Variants in TIMM23B observed in about 807,000 individuals in gnomAD.
The protein encoded by TIMM23B is translocase of inner mitochondrial membrane 23 homolog B.
In TIMM23B, 27 loss-of-function variants were observed where a neutral mutation model predicts 27.3. The observed-to-expected ratio is 0.99, with a 90% CI of 0.73 to 1.36. The LOEUF is 1.36. TIMM23B is among the 40% of genes most tolerant of loss of function. The pLI is 0.00. For synonymous variants in TIMM23B, 73 were observed against 92.4 expected (o/e 0.79, Z 1.21); for missense variants, 205 against 244.2 (o/e 0.84, Z 1.07).
chr10:49,953,165 AAT>A (rs1332402943), intron 4 of TIMM23B, among the ~76,000 whole-genome samples: 3 of 152,100 alleles, frequency 2.0e-5, no homozygotes, highest in Non-Finnish European at 2.9e-5. Context: ...TTCCTTAAAC[AAT>A]ATGTTTAGTT....
At chr10:49,963,292 CGAAATGAAATGGAAT>C (rs1183861028) in intron 6 of TIMM23B, among the ~76,000 whole-genome samples, 1 of 151,334 alleles carries the variant, frequency 6.6e-6, no homozygotes, top group African/African-American at 2.4e-5. Flanking sequence ...GTCTCTGTCT[CGAAATGAAATGGAAT>C]GAAATGAAGA....
At chr10:49,952,007 G>A (rs1839548988) in intron 2 of TIMM23B, 119 bp from the exon 3 acceptor site, 3 of 701,622 alleles carry the variant, frequency 4.3e-6, no homozygotes, top group Non-Finnish European at 7.3e-6. Context: ...TTAAGTATAG[G>A]TTTGAGTTAA....
chr10:49,943,778 G>A (rs1839258857), intron 1 of TIMM23B, among the ~76,000 whole-genome samples: 2 of 138,518 alleles, frequency 1.4e-5, no homozygotes, highest in Admixed American at 1.6e-4. Context: ...GGACCCTTGC[G>A]CTCACAGAGC....
chr10:49,947,797 G>A (rs1250703251), intron 2 of TIMM23B, among the ~76,000 whole-genome samples: 1 of 151,770 alleles, frequency 6.6e-6, no homozygotes, highest in Non-Finnish European at 1.5e-5. Context: ...GGGTGTGGTG[G>A]TATGCACCTG....
In TIMM23B at chr10:49,942,178, C is replaced by A. The variant is rs1488425946; in HGVS notation, c.-17C>A. On this transcript the variant is annotated 5_prime_UTR_variant, in exon 1 of 7. Coordinates refer to ENST00000651259, the MANE Select transcript of TIMM23B (RefSeq NM_001290117.2). ...GCTTGAGGCAGCGGCGGGAACCACT[C>A]GGTTTGCTGCGATACCATGGAAGGA... 2.5e-6 allele frequency: 4 copies of A among 1,575,980 alleles called. No homozygotes were observed. The African/African-American group carries it at 4.1e-5, about 16-fold the overall frequency.
chr10:49,960,266 G>A (rs1839855613), intron 6 of TIMM23B, among the ~76,000 whole-genome samples: 2 of 149,924 alleles, frequency 1.3e-5, no homozygotes, highest in Non-Finnish European at 1.5e-5. Context: ...GCCCAGGCTG[G>A]TCTTGAACTC....
At chr10:49,953,663 T>G (rs1589034273) in intron 4 of TIMM23B, among the ~76,000 whole-genome samples, 1 of 152,202 alleles carries the variant, frequency 6.6e-6, no homozygotes. Context: ...GTTTTTTATA[T>G]TCCTGTTACT....
chr10:49,958,181 C>A (rs1301845253), intron 5 of TIMM23B, among the ~76,000 whole-genome samples, 189 bp from the exon 6 acceptor site: 3 of 152,126 alleles, frequency 2.0e-5, no homozygotes, highest in Non-Finnish European at 2.9e-5. Context: ...TCACCTTTGT[C>A]CCTCTGAAGC....
chr10:49,952,067 C>T (rs1422194517), intron 2 of TIMM23B, 59 bp from the exon 3 acceptor site: 4 of 1,304,648 alleles, frequency 3.1e-6, no homozygotes, highest in South Asian at 2.5e-5. Flanking sequence ...AAAAAGGCAA[C>T]TTTACAAGAT....
intron 2 of TIMM23B, among the ~76,000 whole-genome samples, chr10:49,946,945 T>C (rs1478363537): frequency 1.3e-5 from 2 of 151,910 alleles, no homozygotes; most frequent in African/African-American, 4.8e-5. Flanking sequence ...TAAGAATAAA[T>C]CCATAGTTAA....
chr10:49,963,198 A>G (rs1447506638), intron 6 of TIMM23B, among the ~76,000 whole-genome samples: 1 of 152,212 alleles, frequency 6.6e-6, no homozygotes, highest in Non-Finnish European at 1.5e-5. Flanking sequence ...CTCAGAATGA[A>G]ATGACGTGAC....
intron 5 of TIMM23B, among the ~76,000 whole-genome samples, chr10:49,956,467 G>GTA (rs1839729946): frequency 1.9e-5 from 2 of 107,118 alleles, no homozygotes; most frequent in South Asian, 6.0e-4. Flanking sequence ...GTGTGTGTGT[G>GTA]TGTATGTGTG....
At chr10:49,962,360 G>A (rs1396528007) in intron 6 of TIMM23B, among the ~76,000 whole-genome samples, 3 of 151,882 alleles carry the variant, frequency 2.0e-5, no homozygotes, top group Non-Finnish European at 2.9e-5. Flanking sequence ...CCGCCACCAC[G>A]CCCAGCTAAT....
chr10:49,973,122 A>G lies in TIMM23B; in HGVS notation c.*58A>G. 20 of 1,460,626 alleles carry G rather than the reference A, an allele frequency of 1.4e-5. No homozygotes were observed. The highest frequency in any genetic ancestry group is 1.8e-5 in the Non-Finnish European group (20 of 1,081,990). 90.5% of individuals were successfully genotyped at this position (1,460,626 alleles called of 1,614,324 possible). On this transcript the variant is annotated 3_prime_UTR_variant, in exon 7 of 7. Transcript: ENST00000651259. ...TGGTGAAGTACTGAGAAGAAGCTAC[A>G]CAAAAGGCAGCAAAGTATTAGTAAG...
chr10:49,966,342 G>C (rs1422440716), intron 6 of TIMM23B, among the ~76,000 whole-genome samples: 1 of 152,114 alleles, frequency 6.6e-6, no homozygotes, highest in Non-Finnish European at 1.5e-5. Context: ...CTGGGCGATT[G>C]AGCGAGTTTC....
intron 1 of TIMM23B, among the ~76,000 whole-genome samples, chr10:49,943,795 A>C (rs1490414440): frequency 1.4e-5 from 2 of 142,822 alleles, no homozygotes; most frequent in African/African-American, 5.3e-5. Context: ...GAGCTTACAT[A>C]ATACTGAGGT....
intron 6 of TIMM23B, among the ~76,000 whole-genome samples, chr10:49,968,808 C>G (rs879991853): frequency 2.0e-5 from 3 of 152,058 alleles, no homozygotes; most frequent in South Asian, 2.1e-4. Context: ...GCACTCCAGC[C>G]TGGGCCACAG....
intron 2 of TIMM23B, among the ~76,000 whole-genome samples, chr10:49,951,381 A>C (rs1839522645): frequency 6.6e-6 from 1 of 152,104 alleles, no homozygotes; most frequent in South Asian, 2.1e-4. Flanking sequence ...AAGCGTGCCA[A>C]AAATGAGTGT....
rs1438904581 is a variant in TIMM23B, at chr10:49,973,840, T to C, written c.*776T>C. ...TTTTTTTTGAGATGGAGTCTTGCTC[T>C]GTTGCCAGGCTGGAGTGCAGTGGTG... On this transcript the variant is annotated 3_prime_UTR_variant, in exon 7 of 7. Coordinates refer to ENST00000651259, the MANE Select transcript of TIMM23B (RefSeq NM_001290117.2). The C allele has an allele frequency of 6.7e-6, 1 of 149,314 alleles. No individual in the cohort carries two copies. Among genetic ancestry groups the C allele is most frequent in the African/African-American group, 2.5e-5 (1 of 39,676 alleles). 9.2% of individuals were successfully genotyped at this position (149,314 alleles called of 1,614,324 possible). A position where few individuals can be genotyped will look rare whatever the true frequency, so the allele number is the denominator to read the frequency against.
Sources: gnomAD v4.1 joint callset for allele counts (sites outside exome capture counted in the v4.1 genomes callset) on GRCh38, gnomAD v4.1.1 for gene constraint, MANE v1.5 for transcripts, NCBI Gene and HGNC (gene_info 2026-07-23, HGNC 2026-07-21) for gene names.